The following SPAG16 variants were observed in gnomAD, a reference collection of about 807,000 sequenced individuals.
SPAG16 encodes sperm associated antigen 16, also known as sperm-associated antigen 16 protein.
Under a neutral mutation model 80.4 loss-of-function variants are expected in SPAG16, and 86 were observed. The observed-to-expected ratio is 1.07, with a 90% CI of 0.90 to 1.28. The LOEUF (loss-of-function observed/expected upper bound fraction) is 1.28. Among genes scored for constraint, SPAG16 ranks in the 50% most tolerant of loss-of-function variants. The probability of loss-of-function intolerance (pLI) is 0.00; values close to 1 mark genes in which losing one functional copy is unlikely to be tolerated. For synonymous variants in SPAG16, 294 were observed against 265.9 expected (o/e 1.11, Z -1.03); for missense variants, 870 against 765.3 (o/e 1.14, Z -1.61).
At chr2:213,839,958 G>T (rs1302512346) in intron 10 of SPAG16, among the ~76,000 whole-genome samples, 1 of 152,148 alleles carries the variant, frequency 6.6e-6, no homozygotes, top group Non-Finnish European at 1.5e-5. Context: ...GGTAGGAAAA[G>T]AACATTTATA....
chr2:213,566,243 G>A (rs1316884562), intron 10 of SPAG16, among the ~76,000 whole-genome samples: 4 of 152,278 alleles, frequency 2.6e-5, no homozygotes, highest in Non-Finnish European at 4.4e-5. Flanking sequence ...AATTGCAAAC[G>A]ATGCTAGCAG....
chr2:214,325,613 G>T (rs1452432516), intron 15 of SPAG16, among the ~76,000 whole-genome samples: 1 of 152,014 alleles, frequency 6.6e-6, no homozygotes, highest in Non-Finnish European at 1.5e-5. Flanking sequence ...GTCAAATCAT[G>T]CCACATTAAG....
intron 4 of SPAG16, among the ~76,000 whole-genome samples, chr2:213,314,147 T>C (rs754480571): frequency 1.3e-4 from 19 of 151,928 alleles, no homozygotes; most frequent in Non-Finnish European, 2.4e-4. Flanking sequence ...CTATGCACTT[T>C]CTCCCTGAAA....
At chr2:213,708,536 G>A (rs1428112810) in intron 10 of SPAG16, among the ~76,000 whole-genome samples, 1 of 152,170 alleles carries the variant, frequency 6.6e-6, no homozygotes, top group East Asian at 1.9e-4. Context: ...GCTCACGCCT[G>A]TAATCCCAGC....
At chr2:213,586,669 A>G (rs2060486130) in intron 10 of SPAG16, among the ~76,000 whole-genome samples, 1 of 152,230 alleles carries the variant, frequency 6.6e-6, no homozygotes, top group South Asian at 2.1e-4. Context: ...TCTAAATCAG[A>G]TATGGGTGAG....
intron 10 of SPAG16, among the ~76,000 whole-genome samples, chr2:213,684,901 A>T (rs899488931): frequency 6.6e-6 from 1 of 152,202 alleles, no homozygotes; most frequent in Non-Finnish European, 1.5e-5. Context: ...TCATACTACA[A>T]TGCAAAATTG....
chr2:213,757,524 G>A (rs2068409430), intron 10 of SPAG16, among the ~76,000 whole-genome samples: 1 of 152,130 alleles, frequency 6.6e-6, no homozygotes, highest in African/African-American at 2.4e-5. Context: ...GAAGCACCAG[G>A]AATCTGTCTT....
intron 10 of SPAG16, among the ~76,000 whole-genome samples, chr2:213,817,583 AG>A (rs2072633861): frequency 6.6e-6 from 1 of 152,144 alleles, no homozygotes; most frequent in South Asian, 2.1e-4. Context: ...GAATCAACCT[AG>A]GTGCCCATCA....
chr2:213,959,442 G>T (rs1178808143), intron 12 of SPAG16, among the ~76,000 whole-genome samples: 1 of 152,094 alleles, frequency 6.6e-6, no homozygotes. Flanking sequence ...TTTAGATATA[G>T]CCTGTTTGTT....
intron 11 of SPAG16, among the ~76,000 whole-genome samples, chr2:213,906,443 A>G (rs1164911074): frequency 2.0e-5 from 3 of 152,170 alleles, no homozygotes; most frequent in Admixed American, 6.6e-5. Context: ...CGTAATACCC[A>G]AAGTGACCTA....
chr2:214,012,383 C>T (rs1200710602), intron 12 of SPAG16, among the ~76,000 whole-genome samples: 1 of 145,898 alleles, frequency 6.9e-6, no homozygotes, highest in African/African-American at 2.5e-5. Flanking sequence ...GCAACCTCTG[C>T]CTCCCAGATT....
At chr2:213,551,117 C>A (rs976573547) in intron 10 of SPAG16, among the ~76,000 whole-genome samples, 7 of 152,084 alleles carry the variant, frequency 4.6e-5, no homozygotes, top group African/African-American at 1.7e-4. Flanking sequence ...TTCTTTTCTT[C>A]TATTGCAGAC....
At chr2:214,286,801 A>T (rs368428157) in intron 15 of SPAG16, among the ~76,000 whole-genome samples, 15 of 152,166 alleles carry the variant, frequency 9.9e-5, no homozygotes, top group African/African-American at 3.1e-4. Context: ...ACTTGTTCTG[A>T]TATTCTCTGG....
At chr2:213,785,879 T>C (rs145176600) in intron 10 of SPAG16, among the ~76,000 whole-genome samples, 1,594 of 152,010 alleles carry the variant, frequency 0.01, 29 homozygotes, top group African/African-American at 0.037. Flanking sequence ...TGGTGGCACT[T>C]GCCTATAGTC....
chr2:214,022,723 A>G (rs895471928), intron 13 of SPAG16, among the ~76,000 whole-genome samples: 1 of 55,574 alleles, frequency 1.8e-5, no homozygotes, highest in Non-Finnish European at 4.3e-5. Flanking sequence ...AGGAAAAAAA[A>G]GAATCTGTCT....
chr2:213,603,488 G>A (rs188432506), intron 10 of SPAG16, among the ~76,000 whole-genome samples: 2 of 152,158 alleles, frequency 1.3e-5, no homozygotes, highest in South Asian at 2.1e-4. Flanking sequence ...TATAATTTTT[G>A]TCTCACTGAG....
intron 10 of SPAG16, among the ~76,000 whole-genome samples, chr2:213,755,107 A>G (rs908676716): frequency 5.3e-5 from 8 of 152,190 alleles, no homozygotes; most frequent in African/African-American, 1.9e-4. Context: ...GATGTTTTTG[A>G]TGTTATAATG....
At chr2:214,400,199 C>G (rs542989634) in intron 15 of SPAG16, among the ~76,000 whole-genome samples, 1 of 151,864 alleles carries the variant, frequency 6.6e-6, no homozygotes. Flanking sequence ...CTGTTCCTAG[C>G]AAGGTAGACT....
intron 10 of SPAG16, among the ~76,000 whole-genome samples, chr2:213,604,212 T>G (rs975655048): frequency 2.6e-5 from 4 of 152,288 alleles, no homozygotes; most frequent in East Asian, 1.9e-4. Context: ...TTTATTTTTG[T>G]GTGTCAGTTT....
Sources: allele counts gnomAD v4.1 joint callset (sites outside exome capture counted in the v4.1 genomes callset), GRCh38; gene constraint gnomAD v4.1.1; transcripts MANE v1.5; gene names NCBI Gene and HGNC (gene_info 2026-07-23, HGNC 2026-07-21).